The following CSMD1 variants were observed in gnomAD, a reference collection of about 807,000 sequenced individuals.
The protein encoded by CSMD1 is CUB and sushi domain-containing protein 1.
CSMD1 carries 213 observed loss-of-function variants against 417.5 expected under a neutral mutation model. That is an observed-to-expected ratio of 0.51 (90% CI 0.46 to 0.57). The LOEUF (loss-of-function observed/expected upper bound fraction) is 0.57. Among genes scored for constraint, CSMD1 ranks in the 20% least tolerant of loss-of-function variants. CSMD1 has a pLI of 0.00. For missense variants in CSMD1, 6,923 were observed against 4,529.7 expected, an observed-to-expected ratio of 1.53 and a Z score of -15.17; for synonymous variants, 2,862 against 1,736.8, an observed-to-expected ratio of 1.65 and a Z score of -16.11.
At chr8:3,450,235 G>C (rs576462543) in intron 12 of CSMD1, among the ~76,000 whole-genome samples, 16 of 152,094 alleles carry the variant, frequency 1.1e-4, no homozygotes, top group African/African-American at 3.6e-4. Flanking sequence ...CTGACTTCAT[G>C]GTCTTTCTCT....
intron 5 of CSMD1, among the ~76,000 whole-genome samples, chr8:3,803,339 T>G (rs1026246330): frequency 6.6e-6 from 1 of 152,022 alleles, no homozygotes; most frequent in Admixed American, 6.6e-5. Flanking sequence ...AATACTTCAA[T>G]AGACAAGACA....
At chr8:3,444,051 A>G (rs1377001491) in intron 12 of CSMD1, among the ~76,000 whole-genome samples, 2 of 152,090 alleles carry the variant, frequency 1.3e-5, no homozygotes, top group Admixed American at 1.3e-4. Context: ...TCAGCATGAA[A>G]TCTTGTCTCT....
intron 1 of CSMD1, among the ~76,000 whole-genome samples, chr8:4,664,325 T>C (rs1460186574): frequency 6.6e-6 from 1 of 152,176 alleles, no homozygotes; most frequent in Non-Finnish European, 1.5e-5. Flanking sequence ...TGTGGAAGGC[T>C]GAGGCGGGCG....
chr8:4,104,728 C>G (rs1431319384), intron 3 of CSMD1, among the ~76,000 whole-genome samples: 1 of 152,204 alleles, frequency 6.6e-6, no homozygotes, highest in Non-Finnish European at 1.5e-5. Context: ...CCAAGAGGAA[C>G]TAGGTCAGAG....
intron 23 of CSMD1, among the ~76,000 whole-genome samples, chr8:3,338,448 G>T (rs963735483): frequency 6.6e-6 from 1 of 152,234 alleles, no homozygotes; most frequent in African/African-American, 2.4e-5. Context: ...GAGAATTCAG[G>T]ATAGTGATGA....
At chr8:3,172,859 T>G (rs1287300721) in intron 37 of CSMD1, among the ~76,000 whole-genome samples, 1 of 152,036 alleles carries the variant, frequency 6.6e-6, no homozygotes, top group Non-Finnish European at 1.5e-5. Context: ...AACAGTGGAG[T>G]GAGAAGCGGC....
In CSMD1 at chr8:3,833,768, C is replaced by A. The variant is rs1166062929; in HGVS notation, c.819-79726G>T. ...TAATTTTTAAAATGTGGCCCTGGTTCTCTTCTCTTGGTAAACTTGGAAAAG... is the reference window on the plus strand; with the variant it reads ...TAATTTTTAAAATGTGGCCCTGGTTATCTTCTCTTGGTAAACTTGGAAAAG... On this transcript the variant is annotated intron_variant, in intron 5 of 69. Coordinates refer to ENST00000635120, the MANE Select transcript of CSMD1 (RefSeq NM_033225.6). 2.6e-5 allele frequency among the ~76,000 whole-genome samples: 4 copies of A among 152,182 alleles called. No homozygotes were observed. The East Asian group carries it at 5.8e-4, about 22-fold the overall frequency.
At chr8:3,178,927 T>C (rs1190800899) in intron 37 of CSMD1, among the ~76,000 whole-genome samples, 1 of 151,290 alleles carries the variant, frequency 6.6e-6, no homozygotes, top group Non-Finnish European at 1.5e-5. Flanking sequence ...ATTCTACAAA[T>C]ACTTTCTATA....
intron 2 of CSMD1, among the ~76,000 whole-genome samples, chr8:4,556,106 A>T (rs2130589306): frequency 6.6e-6 from 1 of 152,312 alleles, no homozygotes; most frequent in East Asian, 1.9e-4. Flanking sequence ...TCAAATGGAA[A>T]AACAAAATAA....
intron 7 of CSMD1, among the ~76,000 whole-genome samples, chr8:3,706,992 G>T (rs903748688): frequency 2.0e-5 from 3 of 151,102 alleles, no homozygotes; most frequent in Non-Finnish European, 3.0e-5. Context: ...TTTACAGATT[G>T]ATTTTTTTTT....
chr8:4,443,423 A>C (rs371432024), intron 2 of CSMD1, among the ~76,000 whole-genome samples: 3 of 152,136 alleles, frequency 2.0e-5, no homozygotes, highest in South Asian at 2.1e-4. Context: ...AACAATCTTT[A>C]TTCATTATTC....
Position 3,407,980 on chromosome 8 carries a change from C to T in CSMD1, c.1990G>A (p.Ala664Thr). ...AAGCGAACTATATGCCCACTGCTGG[C>T]CAGCTGGGAAGGCACTTCATTGCCA... ...FSGNEVPSQL[A>T]SSGHIVRLEF... The change falls in exon 14 of 70, where the codon GCC (alanine) becomes ACC (threonine). Residue 664 changes from alanine to threonine, a missense_variant. Transcript: ENST00000635120. The T allele has an allele frequency of 1.9e-6, 3 of 1,613,786 alleles. No individual in the cohort carries two copies. The highest frequency in any genetic ancestry group is 2.5e-6 in the Non-Finnish European group (3 of 1,179,852).
intron 3 of CSMD1, among the ~76,000 whole-genome samples, chr8:4,363,172 G>C (rs1801873600): frequency 6.6e-6 from 1 of 152,088 alleles, no homozygotes; most frequent in Admixed American, 6.6e-5. Flanking sequence ...ACCTAAACAG[G>C]CTTAAACAGG....
At chr8:3,142,352 A>C in intron 41 of CSMD1, 113 bp downstream of exon 41, 1 of 947,356 alleles carries the variant, frequency 1.1e-6, no homozygotes. Context: ...CCACCAAAAA[A>C]TTATTCCACT....
intron 1 of CSMD1, among the ~76,000 whole-genome samples, chr8:4,676,688 C>T (rs892784302): frequency 2.8e-4 from 42 of 152,032 alleles, no homozygotes; most frequent in African/African-American, 8.5e-4. Flanking sequence ...GCCTATGTAG[C>T]GTATCAATGT....
intron 1 of CSMD1, among the ~76,000 whole-genome samples, chr8:4,934,997 T>C (rs1346463265): frequency 6.6e-6 from 1 of 152,224 alleles, no homozygotes; most frequent in Non-Finnish European, 1.5e-5. Flanking sequence ...TCTATATTCA[T>C]CATCTATCTA....
intron 12 of CSMD1, among the ~76,000 whole-genome samples, chr8:3,449,361 G>C (rs1477586101): frequency 6.6e-6 from 1 of 152,102 alleles, no homozygotes; most frequent in Non-Finnish European, 1.5e-5. Context: ...CTACCCCTCT[G>C]TTATGTGACA....
intron 12 of CSMD1, among the ~76,000 whole-genome samples, chr8:3,458,145 G>T (rs1816274668): frequency 6.6e-6 from 1 of 152,144 alleles, no homozygotes; most frequent in South Asian, 2.1e-4. Flanking sequence ...TCTTATCTCA[G>T]TTTACTTTGA....
chr8:3,430,923 T>C (rs1029702122), intron 12 of CSMD1, among the ~76,000 whole-genome samples: 5 of 152,324 alleles, frequency 3.3e-5, no homozygotes, highest in East Asian at 3.9e-4. Flanking sequence ...ATTCTAAGCA[T>C]TGAATAGTTG....
Sources: allele counts gnomAD v4.1 joint callset (sites outside exome capture counted in the v4.1 genomes callset), GRCh38; gene constraint gnomAD v4.1.1; transcripts MANE v1.5; gene names NCBI Gene and HGNC (gene_info 2026-07-23, HGNC 2026-07-21).